The following CDH12 variants were observed in gnomAD, a reference collection of about 807,000 sequenced individuals.
The protein encoded by CDH12 is cadherin-12.
A neutral mutation model predicts 74.1 loss-of-function variants in CDH12; 41 were observed. The ratio of observed to expected loss-of-function variants is 0.55; its 90% confidence interval spans 0.43 to 0.72. The LOEUF is 0.72. CDH12 is among the 30% of genes least tolerant of loss of function. The pLI is 0.00. For missense variants in CDH12, 945 were observed against 977.2 expected (o/e 0.97, Z 0.44); for synonymous variants, 399 against 355.0 (o/e 1.12, Z -1.39).
At chr5:22,428,775 A>C (rs1744047071) in intron 2 of CDH12, among the ~76,000 whole-genome samples, 1 of 152,174 alleles carries the variant, frequency 6.6e-6, no homozygotes, top group African/African-American at 2.4e-5. Context: ...CCTTGAGTGT[A>C]TAGCAGGTTG....
At chr5:22,651,358 G>A (rs955323057) in intron 1 of CDH12, among the ~76,000 whole-genome samples, 15 of 152,134 alleles carry the variant, frequency 9.9e-5, no homozygotes, top group Admixed American at 7.2e-4. Flanking sequence ...AAAGGAAGGG[G>A]GAGGCTTAAT....
intron 11 of CDH12, among the ~76,000 whole-genome samples, chr5:21,776,370 A>C (rs1745589400): frequency 6.6e-6 from 1 of 152,178 alleles, no homozygotes; most frequent in Non-Finnish European, 1.5e-5. Flanking sequence ...TGTTGTTTAA[A>C]CTACCAAATT....
At chr5:22,806,210 T>A (rs1748775090) in intron 1 of CDH12, among the ~76,000 whole-genome samples, 1 of 152,138 alleles carries the variant, frequency 6.6e-6, no homozygotes, top group Non-Finnish European at 1.5e-5. Flanking sequence ...TATTTCTGGT[T>A]CTAGATCCTT....
chr5:22,162,469 G>A (rs1748410709), intron 4 of CDH12, among the ~76,000 whole-genome samples: 1 of 152,138 alleles, frequency 6.6e-6, no homozygotes, highest in South Asian at 2.1e-4. Flanking sequence ...AGAATCAGGA[G>A]CTGCCTCAGG....
intron 3 of CDH12, among the ~76,000 whole-genome samples, chr5:22,253,609 G>A (rs1052003855): frequency 2.0e-5 from 3 of 151,772 alleles, no homozygotes; most frequent in Admixed American, 2.0e-4. Context: ...GATTTCCGAA[G>A]TATTGATTCT....
rs140775242 is a variant in CDH12 at position 22,661,229 on chromosome 5, A to T, written c.-522-155865T>A. Among the ~76,000 whole-genome samples the T allele has an allele frequency of 7.0e-4, 107 of 152,290 alleles. 1 individual carries two copies. In the East Asian group the frequency reaches 0.02, roughly 29 times the overall value. On this transcript the variant is annotated intron_variant, in intron 1 of 14. Coordinates refer to ENST00000382254, the MANE Select transcript of CDH12 (RefSeq NM_004061.5). ...CTTCCACCACTTAATCTAACACCTA[A>T]CAAAGAATTAGCTGCAGCCAAGTGA... is the stretch of plus-strand genomic sequence containing the variant.
intron 2 of CDH12, among the ~76,000 whole-genome samples, chr5:22,475,539 A>C (rs1055808269): frequency 6.6e-6 from 1 of 152,050 alleles, no homozygotes; most frequent in African/African-American, 2.4e-5. Context: ...TTTAACAATA[A>C]GAATATAGTT....
chr5:22,661,731 A>G (rs1740359342), intron 1 of CDH12, among the ~76,000 whole-genome samples: 1 of 152,126 alleles, frequency 6.6e-6, no homozygotes, highest in South Asian at 2.1e-4. Flanking sequence ...GATCAAAGAA[A>G]CAAGATATTT....
intron 6 of CDH12, among the ~76,000 whole-genome samples, chr5:21,899,592 T>C (rs983897469): frequency 1.3e-5 from 2 of 152,134 alleles, no homozygotes; most frequent in Admixed American, 1.3e-4. Flanking sequence ...TTTGAGGTCA[T>C]CTAATGGCAA....
At chr5:21,805,895 A>G (rs1253991563) in intron 9 of CDH12, among the ~76,000 whole-genome samples, 1 of 152,132 alleles carries the variant, frequency 6.6e-6, no homozygotes, top group Non-Finnish European at 1.5e-5. Context: ...CATGGCTTGG[A>G]GCCCATTTAA....
intron 2 of CDH12, among the ~76,000 whole-genome samples, chr5:22,454,182 G>A (rs564559377): frequency 1.3e-5 from 2 of 152,164 alleles, no homozygotes; most frequent in South Asian, 4.1e-4. Flanking sequence ...TTTGTCATTA[G>A]AAATCAAAAA....
At chr5:21,817,241 T>C (rs1748110882) in intron 8 of CDH12, 109 bp from the exon 9 acceptor site, 2 of 669,062 alleles carry the variant, frequency 3.0e-6, no homozygotes, top group Admixed American at 3.6e-5. Flanking sequence ...ATTTAGAACA[T>C]TATAGTGCAA....
chr5:21,819,425 T>C lies in CDH12; in HGVS notation c.815-2293A>G, dbSNP rs189165052. ...TCATTTTCCTTTTTTTCTTCTAAAATGCCCGTTAAATGGAAATACGATTTA... is the reference window on the plus strand; with the variant it reads ...TCATTTTCCTTTTTTTCTTCTAAAACGCCCGTTAAATGGAAATACGATTTA... On this transcript the variant is annotated intron_variant, in intron 8 of 14. Coordinates refer to ENST00000382254, the MANE Select transcript of CDH12 (RefSeq NM_004061.5). Among the ~76,000 whole-genome samples, 3 of 152,098 alleles carry C rather than the reference T, an allele frequency of 2.0e-5. No individual in the cohort carries two copies. In the East Asian group the frequency reaches 5.8e-4, roughly 29 times the overall value.
rs567410826 is a variant in CDH12 at position 22,499,677 on chromosome 5, G to A, written c.-428+5593C>T. Among the ~76,000 whole-genome samples, 7 of 152,238 alleles carry A rather than the reference G, an allele frequency of 4.6e-5. No individual in the cohort carries two copies. In the South Asian group the frequency reaches 1.0e-3, roughly 23 times the overall value. Reference sequence around the variant, plus strand: ...TGCTAAATGGAAAAGATGGTTATTCGTCCCTAGTATGGGGTGTAGAATAGG... The same window carrying A: ...TGCTAAATGGAAAAGATGGTTATTCATCCCTAGTATGGGGTGTAGAATAGG... On this transcript the variant is annotated intron_variant, in intron 2 of 14. Transcript: ENST00000382254.
chr5:22,701,427 G>A (rs1468611496), intron 1 of CDH12, among the ~76,000 whole-genome samples: 3 of 150,846 alleles, frequency 2.0e-5, no homozygotes, highest in African/African-American at 7.4e-5. Context: ...TAAAAAAAAA[G>A]ATTGTCACTT....
intron 3 of CDH12, among the ~76,000 whole-genome samples, chr5:22,319,874 G>C (rs1580519418): frequency 6.6e-6 from 1 of 151,806 alleles, no homozygotes; most frequent in Admixed American, 6.6e-5. Flanking sequence ...AAGAGAGAGA[G>C]AGGAGAAGGA....
intron 1 of CDH12, among the ~76,000 whole-genome samples, chr5:22,634,236 A>G (rs904528744): frequency 6.6e-6 from 1 of 152,156 alleles, no homozygotes; most frequent in African/African-American, 2.4e-5. Context: ...GACAAAAGTA[A>G]TTACATTATA....
intron 5 of CDH12, among the ~76,000 whole-genome samples, chr5:22,022,931 T>C (rs995180381): frequency 1.2e-4 from 19 of 152,276 alleles, no homozygotes; most frequent in Middle Eastern, 3.4e-3. Flanking sequence ...CAGTGCAAAA[T>C]AATCTAACTG....
chr5:22,673,908 A>G (rs983050706), intron 1 of CDH12, among the ~76,000 whole-genome samples: 2 of 152,202 alleles, frequency 1.3e-5, no homozygotes, highest in African/African-American at 4.8e-5. Context: ...CACAAAAAAT[A>G]AAGAAAAATC....
Sources: gnomAD v4.1 joint callset for allele counts (sites outside exome capture counted in the v4.1 genomes callset) on GRCh38, gnomAD v4.1.1 for gene constraint, MANE v1.5 for transcripts, NCBI Gene and HGNC (gene_info 2026-07-23, HGNC 2026-07-21) for gene names.